The following RB1CC1 variants were observed in gnomAD, a reference collection of about 807,000 sequenced individuals.
RB1CC1 encodes RB1 inducible coiled-coil 1, also known as RB1-inducible coiled-coil protein 1.
RB1CC1 carries 46 observed loss-of-function variants against 177.5 expected under a neutral mutation model. That is an observed-to-expected ratio of 0.26 (90% CI 0.20 to 0.33). The LOEUF is 0.33. RB1CC1 is among the 10% of genes least tolerant of loss of function. The pLI, the probability that RB1CC1 is intolerant of heterozygous loss-of-function variation, is 1.00. For missense variants in RB1CC1, 1,703 were observed against 1,816.3 expected (o/e 0.94, Z 1.13); for synonymous variants, 666 against 613.6 (o/e 1.09, Z -1.26).
chr8:52,645,594 C>T, intron 16 of RB1CC1, 108 bp downstream of exon 16: 1 of 1,129,500 alleles, frequency 8.9e-7, no homozygotes, highest in Non-Finnish European at 1.2e-6. Context: ...ATGTAAGGAA[C>T]ATCACATCTA....
chr8:52,698,720 T>G (rs113375596), intron 1 of RB1CC1, among the ~76,000 whole-genome samples: 1 of 70,296 alleles, frequency 1.4e-5, no homozygotes, highest in Non-Finnish European at 2.5e-5. Flanking sequence ...TTTTTTTTTT[T>G]TTTTTTTGAG....
rs149388730 is a variant in RB1CC1, at chr8:52,656,424, C to G, written c.3405G>C (p.Gln1135His). The change falls in exon 15 of 24, where the codon CAG becomes CAC. Residue 1135 changes from glutamine to histidine, a missense_variant. Transcript: ENST00000025008. The stretch of plus-strand genomic sequence containing the variant: ...GTCTACTAATTAACTCGGAAATACA[C>G]TGATCTTTTTCAATTGTCATTAAAG... The part of the protein sequence containing the change: ...LRTLMTIEKD[Q>H]CISELISRHE... 1 of 1,611,702 alleles carries G rather than the reference C, an allele frequency of 6.2e-7. No homozygotes were observed.
intron 1 of RB1CC1, among the ~76,000 whole-genome samples, chr8:52,706,787 TA>T (rs1470154380): frequency 6.8e-6 from 1 of 147,914 alleles, no homozygotes; most frequent in African/African-American, 2.5e-5. Flanking sequence ...GCCTCCAGAG[TA>T]GCTGGGATTA....
chr8:52,705,674 T>A (rs111447546), intron 1 of RB1CC1, among the ~76,000 whole-genome samples: 32 of 152,312 alleles, frequency 2.1e-4, no homozygotes, highest in East Asian at 7.7e-4. Context: ...ATTTAAAAAC[T>A]ATCAATGGAG....
intron 18 of RB1CC1, among the ~76,000 whole-genome samples, chr8:52,638,051 AG>A (rs1193630903): frequency 6.6e-6 from 1 of 152,204 alleles, no homozygotes; most frequent in Admixed American, 6.5e-5. Flanking sequence ...TGGCAAGAGC[AG>A]GCCATCTTCA....
intron 15 of RB1CC1, among the ~76,000 whole-genome samples, chr8:52,651,843 A>G (rs1234695560): frequency 6.6e-6 from 1 of 152,222 alleles, no homozygotes; most frequent in South Asian, 2.1e-4. Context: ...TGACCAACTC[A>G]TGACGCTATA....
At chr8:52,708,010 G>T (rs1040608700) in intron 1 of RB1CC1, among the ~76,000 whole-genome samples, 7 of 152,040 alleles carry the variant, frequency 4.6e-5, no homozygotes, top group Non-Finnish European at 1.0e-4. Flanking sequence ...AGTCCTTTAC[G>T]GTGCTAGGAA....
At chr8:52,682,199 G>A (rs1375001740) in intron 5 of RB1CC1, among the ~76,000 whole-genome samples, 3 of 152,186 alleles carry the variant, frequency 2.0e-5, no homozygotes, top group Admixed American at 6.5e-5. Flanking sequence ...TGGAGTCAAA[G>A]GAGATGATTT....
At chr8:52,641,049 G>A (rs1390875801) in intron 18 of RB1CC1, among the ~76,000 whole-genome samples, 2 of 152,018 alleles carry the variant, frequency 1.3e-5, no homozygotes, top group African/African-American at 4.8e-5. Context: ...GCACTTACTG[G>A]TTTCTTACTG....
In RB1CC1 at chr8:52,678,964, CAAA is replaced by C. The variant is rs1277572779; in HGVS notation, c.370-2396_370-2394del. Among the ~76,000 whole-genome samples, 59 of 152,202 alleles carry C rather than the reference CAAA, an allele frequency of 3.9e-4. No individual in the cohort carries two copies. In the South Asian group the frequency reaches 0.012, roughly 31 times the overall value. On this transcript the variant is annotated intron_variant, in intron 5 of 23. Transcript: ENST00000025008. ...CCTGCTTCTCCTTCATGAAACCAAC[CAAA>C]TACAAAAGGGAAACAAGACACCATC... is the stretch of plus-strand genomic sequence containing the variant.
At chr8:52,638,959 A>G (rs369221953) in intron 18 of RB1CC1, among the ~76,000 whole-genome samples, 24 of 152,308 alleles carry the variant, frequency 1.6e-4, no homozygotes, top group East Asian at 1.5e-3. Flanking sequence ...GTACTGCATT[A>G]AATACTATCT....
chr8:52,713,464 A>G (rs546489496), intron 1 of RB1CC1, among the ~76,000 whole-genome samples: 1 of 152,322 alleles, frequency 6.6e-6, no homozygotes, highest in Non-Finnish European at 1.5e-5. Flanking sequence ...CACCCATCCC[A>G]AATCTATCCG....
At chr8:52,710,772 GA>G (rs1856997274) in intron 1 of RB1CC1, among the ~76,000 whole-genome samples, 1 of 151,984 alleles carries the variant, frequency 6.6e-6, no homozygotes, top group Non-Finnish European at 1.5e-5. Flanking sequence ...AGAAAATGTA[GA>G]ATTAGCTGCA....
rs1031278899 is a variant in RB1CC1, at chr8:52,622,877, G to A, written c.*905C>T. On this transcript the variant is annotated 3_prime_UTR_variant, in exon 24 of 24. Coordinates refer to ENST00000025008, the MANE Select transcript of RB1CC1 (RefSeq NM_014781.5). ...ATTAAAAATGTATCCTTCTTTAAAA[G>A]GCACACACATTTACAGGTTCAAATC... 48 of 152,002 alleles carry A rather than the reference G, an allele frequency of 3.2e-4. No individual in the cohort carries two copies. Among genetic ancestry groups the A allele is most frequent in the African/African-American group, 1.1e-3 (45 of 41,474 alleles). The allele number at this position is 152,002 out of a possible 1,614,324, so 9.4% of individuals were successfully genotyped here.
intron 8 of RB1CC1, among the ~76,000 whole-genome samples, chr8:52,663,371 A>G (rs1851795108): frequency 6.6e-6 from 1 of 151,908 alleles, no homozygotes; most frequent in Non-Finnish European, 1.5e-5. Flanking sequence ...TTTTTGCCAA[A>G]ACCATGTAGA....
intron 9 of RB1CC1, 53 bp from the exon 10 acceptor site, chr8:52,661,334 G>A: frequency 1.3e-6 from 2 of 1,587,732 alleles, no homozygotes; most frequent in Non-Finnish European, 1.7e-6. Flanking sequence ...TACTAACTTA[G>A]TTACTTACTT....
intron 1 of RB1CC1, among the ~76,000 whole-genome samples, chr8:52,692,746 T>G (rs527539066): frequency 2.6e-5 from 4 of 152,214 alleles, no homozygotes; most frequent in Non-Finnish European, 5.9e-5. Flanking sequence ...TTTTTCCCCT[T>G]GCAGATTTTC....
At chr8:52,645,015 T>C (rs1026552361) in intron 16 of RB1CC1, among the ~76,000 whole-genome samples, 8 of 152,204 alleles carry the variant, frequency 5.3e-5, no homozygotes, top group Non-Finnish European at 1.2e-4. Context: ...TCATTAAGCA[T>C]AAATCTAATT....
intron 1 of RB1CC1, among the ~76,000 whole-genome samples, chr8:52,700,413 TG>T (rs1203951391): frequency 2.1e-4 from 5 of 23,346 alleles, no homozygotes; most frequent in African/African-American, 3.5e-4. Flanking sequence ...GTCCCAGTTA[TG>T]GGGGGGTGGG....
Sources: gnomAD v4.1 joint callset for allele counts (sites outside exome capture counted in the v4.1 genomes callset) on GRCh38, gnomAD v4.1.1 for gene constraint, MANE v1.5 for transcripts, NCBI Gene and HGNC (gene_info 2026-07-23, HGNC 2026-07-21) for gene names.